DSCAM: variants seen among roughly 807,000 people sequenced by gnomAD.
DSCAM encodes the protein DS cell adhesion molecule.
Under a neutral mutation model 217.7 loss-of-function variants are expected in DSCAM, and 47 were observed. The observed-to-expected ratio is 0.22, with a 90% confidence interval of 0.17 to 0.28. The LOEUF (loss-of-function observed/expected upper bound fraction) is 0.28, where lower values mean the gene tolerates loss of function less well. DSCAM is among the 10% of genes least tolerant of loss of function. The pLI is 1.00. For synonymous variants in DSCAM, 1,056 were observed against 1,015.3 expected, an observed-to-expected ratio of 1.04 and a Z score of -0.76; for missense variants, 2,080 against 2,618.3, an observed-to-expected ratio of 0.79 and a Z score of 4.49.
intron 27 of DSCAM, 29 bp from the exon 28 acceptor site, chr21:40,062,928 T>C (rs2089145998): frequency 6.3e-7 from 1 of 1,583,176 alleles, no homozygotes; most frequent in South Asian, 1.2e-5. Context: ...CATTAGTACA[T>C]GGTAAATAAC....
In DSCAM at chr21:40,106,563, A is replaced by G. The variant is rs148878058; in HGVS notation, c.3697-12689T>C. Among the ~76,000 whole-genome samples the G allele has an allele frequency of 2.6e-3, 392 of 152,226 alleles. 2 individuals are homozygous for G. The highest frequency in any genetic ancestry group is 4.1e-3 in the Non-Finnish European group (276 of 68,004). On this transcript the variant is annotated intron_variant, in intron 20 of 32. Coordinates refer to ENST00000400454, the MANE Select transcript of DSCAM (RefSeq NM_001389.5). ...AGGAATGGTACCAGCTCTTCTTTGT[A>G]TATCTTGTAGAATTCAGCCATGAAT...
chr21:40,355,823 T>C (rs930732251), intron 4 of DSCAM, among the ~76,000 whole-genome samples: 1 of 152,194 alleles, frequency 6.6e-6, no homozygotes. Context: ...TTGACGAACA[T>C]CTCTATTCCC....
chr21:40,807,964 C>T (rs1450057479), intron 1 of DSCAM, among the ~76,000 whole-genome samples: 1 of 152,142 alleles, frequency 6.6e-6, no homozygotes, highest in Admixed American at 6.5e-5. Flanking sequence ...GTCTGCTGTC[C>T]AGATTCCTAC....
chr21:40,485,939 TAGG>T (rs974005168), intron 3 of DSCAM, among the ~76,000 whole-genome samples: 7 of 152,252 alleles, frequency 4.6e-5, no homozygotes, highest in Middle Eastern at 3.2e-3. Context: ...TGTTTTTAAA[TAGG>T]AGCCTCATTT....
chr21:40,254,885 C>A (rs952447997), intron 11 of DSCAM, among the ~76,000 whole-genome samples: 1 of 151,958 alleles, frequency 6.6e-6, no homozygotes. Context: ...TTATCTCTCA[C>A]GTGCCATCTA....
At chr21:40,093,173 G>A (rs558440240) in intron 21 of DSCAM, among the ~76,000 whole-genome samples, 24 of 152,284 alleles carry the variant, frequency 1.6e-4, no homozygotes, top group African/African-American at 2.6e-4. Context: ...CCGTGCCTGC[G>A]TGTGCTTTTT....
intron 3 of DSCAM, among the ~76,000 whole-genome samples, chr21:40,506,676 G>A (rs1032666262): frequency 2.6e-5 from 4 of 152,144 alleles, no homozygotes; most frequent in South Asian, 2.1e-4. Flanking sequence ...AGCAAAGAGC[G>A]AGTAACAGTC....
At chr21:40,419,235 C>A (rs2075400688) in intron 3 of DSCAM, among the ~76,000 whole-genome samples, 1 of 151,862 alleles carries the variant, frequency 6.6e-6, no homozygotes, top group African/African-American at 2.4e-5. Context: ...CCTGCCTCAG[C>A]CTCCCAAAGT....
chr21:40,827,529 T>C (rs1259690489), intron 1 of DSCAM, among the ~76,000 whole-genome samples: 5 of 138,782 alleles, frequency 3.6e-5, no homozygotes, highest in South Asian at 2.3e-4. Flanking sequence ...AGACTAGAAA[T>C]GTGGAAGTCA....
At chr21:40,058,313 G>T (rs2146511096) in intron 28 of DSCAM, among the ~76,000 whole-genome samples, 1 of 152,274 alleles carries the variant, frequency 6.6e-6, no homozygotes, top group African/African-American at 2.4e-5. Context: ...AGTGGAGCCA[G>T]GCTGGCCCTG....
chr21:40,142,827 T>A, intron 17 of DSCAM, 123 bp from the exon 18 acceptor site: 3 of 1,120,610 alleles, frequency 2.7e-6, no homozygotes, highest in African/African-American at 1.6e-5. Context: ...AACCCCAAAA[T>A]GAAAGAAAAA....
chr21:40,171,275 G>T (rs879688184), intron 15 of DSCAM, among the ~76,000 whole-genome samples: 5 of 151,668 alleles, frequency 3.3e-5, no homozygotes, highest in Admixed American at 3.3e-4. Context: ...ATGGGGTTTC[G>T]CCATGTTGCC....
chr21:40,245,087 A>T (rs2073205097), intron 11 of DSCAM, among the ~76,000 whole-genome samples: 1 of 152,204 alleles, frequency 6.6e-6, no homozygotes, highest in Non-Finnish European at 1.5e-5. Context: ...TGCCAGCCCA[A>T]GTGTCACAGA....
intron 3 of DSCAM, among the ~76,000 whole-genome samples, chr21:40,637,119 AT>A (rs2089772806): frequency 1.4e-5 from 1 of 71,168 alleles, no homozygotes; most frequent in African/African-American, 5.5e-5. Flanking sequence ...ATATATATAT[AT>A]ATATATATAA....
intron 3 of DSCAM, among the ~76,000 whole-genome samples, chr21:40,524,695 C>A (rs888877296): frequency 2.0e-5 from 3 of 151,928 alleles, no homozygotes; most frequent in Admixed American, 6.6e-5. Context: ...AAGACAAATT[C>A]TTTTTGGGAA....
chr21:40,562,425 T>C (rs935470580), intron 3 of DSCAM, among the ~76,000 whole-genome samples: 1 of 152,196 alleles, frequency 6.6e-6, no homozygotes, highest in Non-Finnish European at 1.5e-5. Context: ...TTAACCTCTT[T>C]TCTTTATAAA....
intron 8 of DSCAM, among the ~76,000 whole-genome samples, chr21:40,322,596 C>T (rs1052249815): frequency 2.0e-5 from 3 of 151,772 alleles, no homozygotes; most frequent in African/African-American, 7.3e-5. Context: ...ATGATCTCGG[C>T]TCATGGCAAC....
chr21:40,187,649 A>G (rs913776686), intron 13 of DSCAM, among the ~76,000 whole-genome samples: 25 of 152,272 alleles, frequency 1.6e-4, no homozygotes, highest in African/African-American at 6.0e-4. Context: ...CTTGACTGTC[A>G]TGGGCTTGTC....
chr21:40,411,911 T>A (rs916696774), intron 3 of DSCAM, among the ~76,000 whole-genome samples: 1 of 152,220 alleles, frequency 6.6e-6, no homozygotes, highest in African/African-American at 2.4e-5. Context: ...GTAGCTCCCA[T>A]AATTCCCATG....
Sources: gnomAD v4.1 joint callset for allele counts (sites outside exome capture counted in the v4.1 genomes callset) on GRCh38, gnomAD v4.1.1 for gene constraint, MANE v1.5 for transcripts, NCBI Gene and HGNC (gene_info 2026-07-23, HGNC 2026-07-21) for gene names.